Variants in RAD54L observed in about 807,000 individuals in gnomAD.
The protein encoded by RAD54L is DNA repair and recombination protein RAD54-like.
RAD54L carries 74 observed loss-of-function variants against 91.6 expected under a neutral mutation model. The ratio of observed to expected loss-of-function variants is 0.81; its 90% CI spans 0.67 to 0.98. The LOEUF is 0.98. Ranked by LOEUF, RAD54L falls within the 50% of genes least tolerant of loss-of-function variation. The pLI, the probability that RAD54L is intolerant of heterozygous loss-of-function variation, is 0.00. For missense variants in RAD54L, 887 were observed against 945.7 expected, an observed-to-expected ratio of 0.94 and a Z score of 0.81; for synonymous variants, 304 against 349.7, an observed-to-expected ratio of 0.87 and a Z score of 1.46.
chr1:46,258,745 A>G lies in RAD54L; in HGVS notation c.270A>G (p.Gln90=). The change falls in exon 4 of 18, where the codon CAA becomes CAG. Residue 90 remains glutamine, a splice_region_variant and synonymous_variant. Transcript: ENST00000371975. The stretch of plus-strand genomic sequence containing the variant: ...TCAAAGTCCCCATTCCAAATTATCA[A>G]GGTAAAATGGAGGTTTTTCTGTTTT... The part of the protein sequence containing the change: ...KPFKVPIPNY[Q]GPLGSRALGL... 1 of 1,592,550 alleles carries G rather than the reference A, an allele frequency of 6.3e-7. No individual in the cohort carries two copies. Among genetic ancestry groups the G allele is most frequent in the Non-Finnish European group, 8.6e-7 (1 of 1,160,284 alleles).
At chr1:46,276,797 AAG>A (rs1660616994) in intron 16 of RAD54L, among the ~76,000 whole-genome samples, 1 of 152,108 alleles carries the variant, frequency 6.6e-6, no homozygotes, top group Non-Finnish European at 1.5e-5. Flanking sequence ...CATGGCATCC[AAG>A]GTTTGTTTTT....
intron 10 of RAD54L, among the ~76,000 whole-genome samples, chr1:46,272,154 T>C (rs1660450704): frequency 6.7e-6 from 1 of 149,092 alleles, no homozygotes; most frequent in Admixed American, 6.8e-5. Flanking sequence ...GTGATTCTCC[T>C]GCCTCAGCTT....
rs2148288451 is a variant in RAD54L at position 46,260,892 on chromosome 1, G to A, written c.643G>A (p.Val215Met). 1 of 1,614,256 alleles carries A rather than the reference G, an allele frequency of 6.2e-7. No homozygotes were observed. Among genetic ancestry groups the A allele is most frequent in the Non-Finnish European group, 8.5e-7 (1 of 1,180,042 alleles). ...PECKPEIDKA[V>M]VVSPSSLVKN... ...GTGCAAGCCAGAAATTGACAAGGCA[G>A]TGGTGGTGTCGCCTTCCAGCCTGGT... Residue 215 changes from valine (V) to methionine (M), a missense_variant, in exon 7 of 18, where the codon GTG becomes ATG. By Grantham distance (21) the Val-to-Met change is conservative. Coordinates refer to ENST00000371975, the MANE Select transcript of RAD54L (RefSeq NM_003579.4).
chr1:46,277,988 A>G lies in RAD54L; in HGVS notation c.2033+8A>G. On this transcript the variant is annotated splice_region_variant and intron_variant, in intron 17 of 17. Coordinates refer to ENST00000371975, the MANE Select transcript of RAD54L (RefSeq NM_003579.4). ...CAGTGACACACATGACAGGTGGGGAAGTGCCCTAACCATTATCTCTAAGCT... is the reference window on the plus strand; with the variant it reads ...CAGTGACACACATGACAGGTGGGGAGGTGCCCTAACCATTATCTCTAAGCT... 1 of 1,614,198 alleles carries G rather than the reference A, an allele frequency of 6.2e-7. No individual in the cohort carries two copies. Among genetic ancestry groups the G allele is most frequent in the African/African-American group, 1.3e-5 (1 of 75,064 alleles).
intron 3 of RAD54L, among the ~76,000 whole-genome samples, chr1:46,253,060 C>A (rs1303099240): frequency 1.3e-5 from 2 of 151,898 alleles, no homozygotes; most frequent in East Asian, 1.9e-4. Context: ...TGACAGAGAC[C>A]CTGTCTCAAA....
chr1:46,272,756 T>C lies in RAD54L; in HGVS notation c.1329T>C (p.Ser443=), dbSNP rs1463855185. ...PAEELLEGKM[S]VSSLSSITSL... is the part of the protein sequence containing the mutation. ...AAGAATTGCTTGAGGGCAAGATGAG[T>C]GTGTCTTCCCTTTCTTCCATCACCT... Residue 443 remains serine, a synonymous_variant, in exon 12 of 18, where the codon AGT becomes AGC. Transcript: ENST00000371975. The C allele has an allele frequency of 2.5e-6, 4 of 1,614,012 alleles. No homozygotes were observed. Among genetic ancestry groups the C allele is most frequent in the Non-Finnish European group, 3.4e-6 (4 of 1,179,998 alleles).
chr1:46,274,131 C>G lies in RAD54L; in HGVS notation c.1611-7C>G, dbSNP rs1022208305. The G allele has an allele frequency of 1.2e-6, 2 of 1,609,968 alleles. No homozygotes were observed. The highest frequency in any genetic ancestry group is 2.2e-5 in the East Asian group (1 of 44,874). Reference sequence around the variant, plus strand: ...TTTATTTTCTTGGGTCTCGAATCCCCCTTCAGGTACTTATACGTCCGCCTG... The same window carrying G: ...TTTATTTTCTTGGGTCTCGAATCCCGCTTCAGGTACTTATACGTCCGCCTG... On this transcript the variant is annotated splice_region_variant and splice_polypyrimidine_tract_variant and intron_variant, in intron 14 of 17. Transcript: ENST00000371975.
At chr1:46,273,877 T>A in intron 14 of RAD54L, 130 bp downstream of exon 14, 1 of 1,341,956 alleles carries the variant, frequency 7.5e-7, no homozygotes. Context: ...TCTTCCCTTA[T>A]TGCTATGATG....
intron 12 of RAD54L, among the ~76,000 whole-genome samples, chr1:46,273,079 A>G (rs1660482703): frequency 6.6e-6 from 1 of 152,206 alleles, no homozygotes; most frequent in East Asian, 1.9e-4. Flanking sequence ...ACACGCTCAT[A>G]TACAATGTTG....
In RAD54L at chr1:46,263,366, G is replaced by T. The variant is rs1660184035; in HGVS notation, c.891+1981G>T. Among the ~76,000 whole-genome samples, 1 of 152,178 alleles carries T rather than the reference G, an allele frequency of 6.6e-6. No individual in the cohort carries two copies. The highest frequency in any genetic ancestry group is 2.1e-4 in the South Asian group (1 of 4,830). On this transcript the variant is annotated intron_variant, in intron 8 of 17. Coordinates refer to ENST00000371975, the MANE Select transcript of RAD54L (RefSeq NM_003579.4). The surrounding 1 kb of genome is among the most constrained non-coding windows in gnomAD (Gnocchi z 4.3). The stretch of plus-strand genomic sequence containing the variant: ...ATAGTCATTGTTTGCAACTTCTTGG[G>T]AGAGTTAACCTCCTTTGTATACCCC...
At chr1:46,271,538 G>C (rs952041867) in intron 10 of RAD54L, among the ~76,000 whole-genome samples, 1 of 152,068 alleles carries the variant, frequency 6.6e-6, no homozygotes, top group Non-Finnish European at 1.5e-5. Context: ...TGCACCTGTA[G>C]TCCCGGTTAC....
At chr1:46,271,614 G>A (rs1444290405) in intron 10 of RAD54L, among the ~76,000 whole-genome samples, 3 of 151,586 alleles carry the variant, frequency 2.0e-5, no homozygotes, top group South Asian at 2.1e-4. Context: ...GCTGAGCTGC[G>A]CCACTGCACC....
In RAD54L at chr1:46,260,818, C is replaced by T. The variant is rs149246216; in HGVS notation, c.569C>T (p.Thr190Met). The T allele has an allele frequency of 3.5e-5, 57 of 1,614,114 alleles. No individual in the cohort carries two copies. The highest frequency in any genetic ancestry group is 4.5e-5 in the Non-Finnish European group (53 of 1,180,052). ...IMADEMGLGK[T>M]LQCITLMWTL... ...GCTGATGAGATGGGCCTAGGAAAGACGCTGCAGTGCATCACATTGATGTGG... is the reference window on the plus strand; with the variant it reads ...GCTGATGAGATGGGCCTAGGAAAGATGCTGCAGTGCATCACATTGATGTGG... Residue 190 changes from threonine (T) to methionine (M), a missense_variant, in exon 7 of 18, where the codon ACG becomes ATG. Transcript: ENST00000371975.
At chr1:46,272,596 GGCTGGGCT>G (rs1660465564) in intron 11 of RAD54L, 56 bp downstream of exon 11, 1 of 1,611,500 alleles carries the variant, frequency 6.2e-7, no homozygotes, top group Non-Finnish European at 8.5e-7. Context: ...CCTGAAGCAT[GGCTGGGCT>G]CTCAAGGTGT....
At chr1:46,261,442 T>A in intron 8 of RAD54L, 57 bp downstream of exon 8, 1 of 1,602,336 alleles carries the variant, frequency 6.2e-7, no homozygotes, top group South Asian at 1.1e-5. Context: ...ATCTCTTCAC[T>A]GAGTATTGCC....
chr1:46,274,748 G>A (rs758917098), intron 16 of RAD54L, 31 bp downstream of exon 16: 3 of 1,613,280 alleles, frequency 1.9e-6, no homozygotes, highest in Non-Finnish European at 8.5e-7. Context: ...CATAGTAGGG[G>A]TGGGTCATGG....
chr1:46,267,327 G>A, intron 8 of RAD54L, 132 bp from the exon 9 acceptor site: 1 of 1,181,086 alleles, frequency 8.5e-7, no homozygotes. Context: ...GCCTCCCAAA[G>A]TGCTGGGATT....
chr1:46,272,813 C>T lies in RAD54L; in HGVS notation c.1375+11C>T. 6.2e-7 allele frequency: 1 copy of T among 1,614,030 alleles called. No homozygotes were observed. The highest frequency in any genetic ancestry group is 8.5e-7 in the Non-Finnish European group (1 of 1,179,970). ...AGAAGCTTTGTAATCGTGAGTTGGG[C>T]TTGTGTCCTGGTGTCCTCTGTGAGA... is the stretch of plus-strand genomic sequence containing the variant. On this transcript the variant is annotated intron_variant, in intron 12 of 17. Transcript: ENST00000371975.
At position 46,274,165 on chromosome 1, in the gene RAD54L, G is replaced by A. The variant is rs751660537; in HGVS notation, c.1638G>A (p.Thr546=). ...RRYLYVRLDG[T]MSIKKRAKVV... is the part of the protein sequence containing the mutation. ...ACTTATACGTCCGCCTGGATGGCAC[G>A]ATGTCCATTAAGAAGCGAGCCAAGG... Residue 546 remains threonine, a synonymous_variant, in exon 15 of 18, where the codon ACG becomes ACA. Coordinates refer to ENST00000371975, the MANE Select transcript of RAD54L (RefSeq NM_003579.4). 33 of 1,613,680 alleles carry A rather than the reference G, an allele frequency of 2.0e-5. No homozygotes were observed. Among genetic ancestry groups the A allele is most frequent in the South Asian group, 2.0e-4 (18 of 91,074 alleles).
Sources: gnomAD v4.1 joint callset for allele counts (sites outside exome capture counted in the v4.1 genomes callset) on GRCh38, gnomAD v4.1.1 for gene constraint, Gnocchi (gnomAD v3.1) non-coding constraint, MANE v1.5 for transcripts, NCBI Gene and HGNC (gene_info 2026-07-23, HGNC 2026-07-21) for gene names.